KCTD8: variants seen among roughly 807,000 people sequenced by gnomAD.
KCTD8 encodes the protein BTB/POZ domain-containing protein KCTD8.
Under a neutral mutation model 31.5 loss-of-function variants are expected in KCTD8, and 27 were observed. The observed-to-expected ratio is 0.86, with a 90% CI of 0.63 to 1.18. The LOEUF is 1.18. Among genes scored for constraint, KCTD8 ranks in the 50% most tolerant of loss-of-function variants. The probability of loss-of-function intolerance (pLI) is 0.00; values close to 1 mark genes in which losing one functional copy is unlikely to be tolerated. For synonymous variants in KCTD8, 290 were observed against 280.0 expected (o/e 1.04, Z -0.36); for missense variants, 658 against 647.7 (o/e 1.02, Z -0.17).
At chr4:44,214,068 A>G (rs1714572136) in intron 1 of KCTD8, among the ~76,000 whole-genome samples, 1 of 152,118 alleles carries the variant, frequency 6.6e-6, no homozygotes. Flanking sequence ...CCTTCCCATA[A>G]TTTAGTGCCA....
rs1170152519 is a variant in KCTD8, at chr4:44,326,630, C to T, written c.961+120933G>A. Among the ~76,000 whole-genome samples, 17 of 151,762 alleles carry T rather than the reference C, an allele frequency of 1.1e-4. 1 individual carries two copies. Among genetic ancestry groups the T allele is most frequent in the Admixed American group, 1.1e-3 (16 of 15,228 alleles). ...TATATAAACAAATATGTCTTTCTTC[C>T]TCTGCTTTACACCCTAGTTGTTTGT... On this transcript the variant is annotated intron_variant, in intron 1 of 1. Coordinates refer to ENST00000360029, the MANE Select transcript of KCTD8 (RefSeq NM_198353.3).
intron 1 of KCTD8, among the ~76,000 whole-genome samples, chr4:44,420,037 C>T (rs185572368): frequency 6.6e-6 from 1 of 151,730 alleles, no homozygotes; most frequent in Admixed American, 6.6e-5. Context: ...CAAGCCAAGA[C>T]ATCTCAGAAA....
At chr4:44,275,371 TC>T (rs1223918588) in intron 1 of KCTD8, among the ~76,000 whole-genome samples, 3 of 151,890 alleles carry the variant, frequency 2.0e-5, no homozygotes, top group Non-Finnish European at 4.4e-5. Flanking sequence ...CCACCCTCTG[TC>T]CCTCCCGCCC....
intron 1 of KCTD8, among the ~76,000 whole-genome samples, chr4:44,305,413 C>T (rs1010411784): frequency 2.0e-5 from 3 of 151,098 alleles, no homozygotes; most frequent in Admixed American, 1.3e-4. Flanking sequence ...TTACTAGACA[C>T]GAAATTACCA....
intron 1 of KCTD8, among the ~76,000 whole-genome samples, chr4:44,373,130 C>T (rs1334377835): frequency 2.0e-5 from 3 of 151,944 alleles, no homozygotes; most frequent in South Asian, 2.1e-4. Flanking sequence ...TTTGGGAGGC[C>T]GAGGAGGGTG....
At chr4:44,203,808 A>C (rs1714221284) in intron 1 of KCTD8, among the ~76,000 whole-genome samples, 1 of 151,886 alleles carries the variant, frequency 6.6e-6, no homozygotes, top group East Asian at 1.9e-4. Context: ...AATATTAATA[A>C]GTTTACATAA....
chr4:44,317,228 CTTTTTT>C (rs760060899), intron 1 of KCTD8, among the ~76,000 whole-genome samples: 3 of 36,538 alleles, frequency 8.2e-5, no homozygotes, highest in Admixed American at 4.9e-4. Flanking sequence ...TGGGTGCTTT[CTTTTTT>C]TTTTTTTTTT....
intron 1 of KCTD8, among the ~76,000 whole-genome samples, chr4:44,427,551 C>G (rs1424979833): frequency 6.6e-6 from 1 of 151,502 alleles, no homozygotes; most frequent in Non-Finnish European, 1.5e-5. Flanking sequence ...TCATGAAGAT[C>G]TCTCTGCACC....
chr4:44,225,815 CTTTTTTTTTT>C (rs35751540), intron 1 of KCTD8, among the ~76,000 whole-genome samples: 1 of 74,450 alleles, frequency 1.3e-5, no homozygotes, highest in South Asian at 5.3e-4. Flanking sequence ...GGTTTTGTCT[CTTTTTTTTTT>C]TTTTTTTTTT....
chr4:44,181,964 C>A (rs868619087), intron 1 of KCTD8, among the ~76,000 whole-genome samples: 3 of 142,310 alleles, frequency 2.1e-5, no homozygotes, highest in Non-Finnish European at 4.8e-5. Context: ...AAGTGAGGAG[C>A]CCCTCCGCCC....
intron 1 of KCTD8, among the ~76,000 whole-genome samples, chr4:44,409,402 G>A (rs943857502): frequency 1.3e-5 from 2 of 152,024 alleles, no homozygotes; most frequent in Admixed American, 1.3e-4. Flanking sequence ...GTGCTAGGAG[G>A]GTGGTTTGCC....
intron 1 of KCTD8, among the ~76,000 whole-genome samples, chr4:44,231,348 A>T (rs903625746): frequency 6.6e-6 from 1 of 152,198 alleles, no homozygotes; most frequent in African/African-American, 2.4e-5. Flanking sequence ...ATTAGCGAGC[A>T]CTGTAAGCTT....
At chr4:44,247,588 G>T (rs1020313207) in intron 1 of KCTD8, among the ~76,000 whole-genome samples, 1 of 151,882 alleles carries the variant, frequency 6.6e-6, no homozygotes, top group Non-Finnish European at 1.5e-5. Context: ...TTGTATAACT[G>T]AAACAGTGTA....
At chr4:44,265,510 T>C (rs1234744714) in intron 1 of KCTD8, among the ~76,000 whole-genome samples, 1 of 152,130 alleles carries the variant, frequency 6.6e-6, no homozygotes, top group Non-Finnish European at 1.5e-5. Context: ...AGGAATGTAG[T>C]TCCTCACCAG....
At chr4:44,442,899 G>T (rs1445874757) in intron 1 of KCTD8, among the ~76,000 whole-genome samples, 1 of 151,868 alleles carries the variant, frequency 6.6e-6, no homozygotes, top group Non-Finnish European at 1.5e-5. Context: ...CATAAAGATT[G>T]ACCCACACAA....
chr4:44,407,916 C>T (rs1449756498), intron 1 of KCTD8, among the ~76,000 whole-genome samples: 4 of 152,110 alleles, frequency 2.6e-5, no homozygotes, highest in South Asian at 2.1e-4. Context: ...ATTTTTATTC[C>T]GCACCCCATA....
At chr4:44,281,020 A>C (rs1716890764) in intron 1 of KCTD8, among the ~76,000 whole-genome samples, 1 of 152,062 alleles carries the variant, frequency 6.6e-6, no homozygotes, top group South Asian at 2.1e-4. Flanking sequence ...TAGGAGATTA[A>C]AAATTCCTGG....
chr4:44,193,372 T>A (rs1713822484), intron 1 of KCTD8, among the ~76,000 whole-genome samples: 1 of 152,112 alleles, frequency 6.6e-6, no homozygotes, highest in South Asian at 2.1e-4. Context: ...CAGAGGCAGA[T>A]GTAGATCTGT....
chr4:44,242,103 G>T (rs1715519991), intron 1 of KCTD8, among the ~76,000 whole-genome samples: 1 of 152,096 alleles, frequency 6.6e-6, no homozygotes, highest in Non-Finnish European at 1.5e-5. Context: ...GAAAGTGAAA[G>T]GCTCATTTCC....
Sources: allele counts gnomAD v4.1 joint callset (sites outside exome capture counted in the v4.1 genomes callset), GRCh38; gene constraint gnomAD v4.1.1; transcripts MANE v1.5; gene names NCBI Gene and HGNC (gene_info 2026-07-23, HGNC 2026-07-21).